The following ARFGEF1 variants were observed in gnomAD, a reference collection of about 807,000 sequenced individuals.
ARFGEF1 encodes ARF guanine nucleotide exchange factor 1.
ARFGEF1 carries 42 observed loss-of-function variants against 231.0 expected under a neutral mutation model. That is an observed-to-expected ratio of 0.18 (90% CI 0.14 to 0.24). The LOEUF is 0.24. ARFGEF1 is among the 10% of genes least tolerant of loss of function. The pLI is 1.00. For missense variants in ARFGEF1, 1,345 were observed against 2,192.0 expected (o/e 0.61, Z 7.72); for synonymous variants, 710 against 732.3 (o/e 0.97, Z 0.49).
At chr8:67,242,878 C>A (rs1839973568) in intron 19 of ARFGEF1, among the ~76,000 whole-genome samples, 2 of 152,152 alleles carry the variant, frequency 1.3e-5, no homozygotes, top group South Asian at 4.1e-4. Context: ...AGTAGCTTGG[C>A]AGTACTCTCC....
At chr8:67,273,309 C>T (rs1446773002) in intron 9 of ARFGEF1, among the ~76,000 whole-genome samples, 1 of 150,410 alleles carries the variant, frequency 6.6e-6, no homozygotes, top group Non-Finnish European at 1.5e-5. Context: ...AATTTTCCTC[C>T]CATTGAAACT....
intron 14 of ARFGEF1, among the ~76,000 whole-genome samples, chr8:67,263,289 A>G (rs1804711478): frequency 6.6e-6 from 1 of 152,074 alleles, no homozygotes; most frequent in Non-Finnish European, 1.5e-5. Flanking sequence ...AACACCTGTC[A>G]TTTGGGCTAT....
rs549924926 is a variant in ARFGEF1, at chr8:67,230,123, A to G, written c.3381-1859T>C. Among the ~76,000 whole-genome samples, 34 of 152,176 alleles carry G rather than the reference A, an allele frequency of 2.2e-4. No homozygotes were observed. In the South Asian group the frequency reaches 6.8e-3, roughly 31 times the overall value. On this transcript the variant is annotated intron_variant, in intron 23 of 38. Transcript: ENST00000262215. The stretch of plus-strand genomic sequence containing the variant: ...TCTCTGAGGGGGTCACTCTATTTCT[A>G]GTAATGCTCCACTAAAGATAAGCCG...
intron 23 of ARFGEF1, among the ~76,000 whole-genome samples, chr8:67,230,976 G>T (rs1839533726): frequency 6.6e-6 from 1 of 152,032 alleles, no homozygotes; most frequent in Admixed American, 6.6e-5. Flanking sequence ...TAAACCAGAA[G>T]CTATAAAGAA....
chr8:67,231,635 T>C (rs939455523), intron 23 of ARFGEF1, among the ~76,000 whole-genome samples: 3 of 152,066 alleles, frequency 2.0e-5, no homozygotes, highest in East Asian at 3.9e-4. Flanking sequence ...AAGAAAATCA[T>C]TGACAAGAAA....
Position 67,275,990 on chromosome 8 carries a change from T to G in ARFGEF1, c.1323A>C (p.Gly441=). 6.2e-7 allele frequency: 1 copy of G among 1,613,312 alleles called. No individual in the cohort carries two copies. Among genetic ancestry groups the G allele is most frequent in the Non-Finnish European group, 8.5e-7 (1 of 1,179,462 alleles). ...CKLSMKPLSD[G]PPDPKSHELR... is the part of the protein sequence containing the mutation. ...TAATAACTTACTTTGGATCTGGTGG[T>G]CCATCTGACAGTGGTTTCATTGACA... Residue 441 remains glycine (G), a synonymous_variant, in exon 9 of 39, where the codon GGA becomes GGC. Coordinates refer to ENST00000262215, the MANE Select transcript of ARFGEF1 (RefSeq NM_006421.5).
At chr8:67,303,028 A>G (rs2128916659) in intron 1 of ARFGEF1, among the ~76,000 whole-genome samples, 1 of 152,266 alleles carries the variant, frequency 6.6e-6, no homozygotes. Flanking sequence ...CCAAGAGTTA[A>G]AGGTTACAGT....
At chr8:67,185,770 A>C (rs1474439888) in intron 5 of ARFGEF1, among the ~76,000 whole-genome samples, 4 of 152,204 alleles carry the variant, frequency 2.6e-5, no homozygotes, top group Non-Finnish European at 2.9e-5. Context: ...ATGATGAGGA[A>C]GCTGAAGAAA....
Position 67,224,909 on chromosome 8 carries a change from C to A in ARFGEF1, c.4202G>T (p.Arg1401Ile). Residue 1401 changes from arginine to isoleucine, a missense_variant, in exon 29 of 39, where the codon AGA becomes ATA. By Grantham distance (97) the Arg-to-Ile change is moderately conservative. Coordinates refer to ENST00000262215, the MANE Select transcript of ARFGEF1 (RefSeq NM_006421.5). ...TACAAATATAGATTGTTACCTGGTT[C>A]TTACATCTAATTTGCATCTATTGAT... Reference protein sequence around the residue: ...CIINRCKLDVRTRGLTVMFEI... With the variant: ...CIINRCKLDVITRGLTVMFEI... 1 of 1,548,358 alleles carries A rather than the reference C, an allele frequency of 6.5e-7. No homozygotes were observed. The highest frequency in any genetic ancestry group is 8.7e-7 in the Non-Finnish European group (1 of 1,148,336).
chr8:67,227,400 A>C, intron 26 of ARFGEF1, 47 bp downstream of exon 26: 1 of 1,601,544 alleles, frequency 6.2e-7, no homozygotes, highest in Non-Finnish European at 8.5e-7. Flanking sequence ...CTGCTGTGGA[A>C]AACAACAAGA....
intron 1 of ARFGEF1, among the ~76,000 whole-genome samples, chr8:67,339,567 C>T (rs975707849): frequency 2.0e-5 from 3 of 151,934 alleles, no homozygotes; most frequent in Admixed American, 6.6e-5. Flanking sequence ...ATCCTAAATT[C>T]TTTGAAACTA....
chr8:67,244,676 A>C (rs1840051326), intron 19 of ARFGEF1, among the ~76,000 whole-genome samples: 1 of 150,068 alleles, frequency 6.7e-6, no homozygotes, highest in Non-Finnish European at 1.5e-5. Context: ...ATCTGAAAAA[A>C]ATACAGTCAG....
chr8:67,339,529 T>C (rs1808502064), intron 1 of ARFGEF1, among the ~76,000 whole-genome samples: 2 of 151,966 alleles, frequency 1.3e-5, no homozygotes, highest in Admixed American at 6.6e-5. Flanking sequence ...AGATAAACAA[T>C]GCTACCTTCA....
intron 19 of ARFGEF1, among the ~76,000 whole-genome samples, chr8:67,243,632 C>T (rs1563860210): frequency 6.6e-6 from 1 of 152,148 alleles, no homozygotes; most frequent in Non-Finnish European, 1.5e-5. Context: ...AAAGCCTTCC[C>T]AAGAAGGATG....
chr8:67,341,345 T>C (rs1032584073), intron 1 of ARFGEF1, among the ~76,000 whole-genome samples: 5 of 149,772 alleles, frequency 3.3e-5, no homozygotes, highest in Non-Finnish European at 7.4e-5. Flanking sequence ...CTCAGCACTT[T>C]GGGAGGCCAA....
chr8:67,230,694 G>GT (rs1271224839), intron 23 of ARFGEF1, among the ~76,000 whole-genome samples: 1 of 151,906 alleles, frequency 6.6e-6, no homozygotes, highest in Non-Finnish European at 1.5e-5. Context: ...CTAAATAATT[G>GT]TTTTTTAGCT....
At chr8:67,259,079 G>A (rs1400227325) in intron 15 of ARFGEF1, among the ~76,000 whole-genome samples, 9 of 152,086 alleles carry the variant, frequency 5.9e-5, no homozygotes, top group Admixed American at 1.3e-4. Flanking sequence ...AAAAAAGTTC[G>A]TACATGTTCA....
At chr8:67,308,016 T>C (rs1806828192) in intron 1 of ARFGEF1, among the ~76,000 whole-genome samples, 1 of 152,170 alleles carries the variant, frequency 6.6e-6, no homozygotes, top group African/African-American at 2.4e-5. Context: ...CCCAAGCCAC[T>C]TGGAGGCTAC....
At chr8:67,243,125 C>T (rs1291831474) in intron 19 of ARFGEF1, among the ~76,000 whole-genome samples, 2 of 152,182 alleles carry the variant, frequency 1.3e-5, no homozygotes, top group East Asian at 3.8e-4. Flanking sequence ...TATTGAAGAC[C>T]ACTAAGGTGA....
Sources: allele counts gnomAD v4.1 joint callset (sites outside exome capture counted in the v4.1 genomes callset), GRCh38; gene constraint gnomAD v4.1.1; transcripts MANE v1.5; gene names NCBI Gene and HGNC (gene_info 2026-07-23, HGNC 2026-07-21).